The following ADGRL3 variants were observed in gnomAD, a reference collection of about 807,000 sequenced individuals.
ADGRL3 encodes the protein adhesion G protein-coupled receptor L3, also known as calcium-independent alpha-latrotoxin receptor 3.
Under a neutral mutation model 153.5 loss-of-function variants are expected in ADGRL3, and 62 were observed. The observed-to-expected ratio is 0.40, with a 90% CI of 0.33 to 0.50. ADGRL3 has a LOEUF of 0.50. Ranked by LOEUF, ADGRL3 falls within the 20% of genes least tolerant of loss-of-function variation. ADGRL3 has a pLI of 0.47. For missense variants in ADGRL3, 1,641 were observed against 1,859.4 expected (o/e 0.88, Z 2.16); for synonymous variants, 710 against 672.5 (o/e 1.06, Z -0.86).
chr4:61,897,321 C>A (rs920870335), intron 11 of ADGRL3, among the ~76,000 whole-genome samples: 1 of 152,110 alleles, frequency 6.6e-6, no homozygotes. Flanking sequence ...ATTGATTACT[C>A]AAAAATTTAT....
At chr4:61,610,986 A>C (rs573272130) in intron 5 of ADGRL3, among the ~76,000 whole-genome samples, 1 of 152,142 alleles carries the variant, frequency 6.6e-6, no homozygotes, top group Non-Finnish European at 1.5e-5. Flanking sequence ...CCCACACGAG[A>C]CCATTATGTC....
intron 4 of ADGRL3, among the ~76,000 whole-genome samples, chr4:61,577,247 A>T (rs1177812089): frequency 6.6e-6 from 1 of 150,950 alleles, no homozygotes; most frequent in Non-Finnish European, 1.5e-5. Context: ...AGGGAAGGGA[A>T]GAATGTGAAT....
chr4:61,302,755 G>A (rs1194597076), intron 1 of ADGRL3, among the ~76,000 whole-genome samples: 1 of 152,094 alleles, frequency 6.6e-6, no homozygotes, highest in Non-Finnish European at 1.5e-5. Flanking sequence ...CCGAGTTAGA[G>A]TAATTAATGC....
At chr4:61,761,800 A>G (rs573580394) in intron 8 of ADGRL3, among the ~76,000 whole-genome samples, 3 of 152,322 alleles carry the variant, frequency 2.0e-5, no homozygotes, top group African/African-American at 7.2e-5. Flanking sequence ...GTGGTGGCAC[A>G]TACCTATAGT....
intron 1 of ADGRL3, among the ~76,000 whole-genome samples, chr4:61,373,205 A>T (rs572929768): frequency 6.6e-6 from 1 of 152,112 alleles, no homozygotes; most frequent in Non-Finnish European, 1.5e-5. Flanking sequence ...TCAGGCTGGG[A>T]GCTGTAGACC....
At chr4:61,237,769 C>T (rs1301727978) in intron 1 of ADGRL3, among the ~76,000 whole-genome samples, 3 of 152,120 alleles carry the variant, frequency 2.0e-5, no homozygotes, top group Non-Finnish European at 2.9e-5. Context: ...GGTAGGTAAT[C>T]ACATCTCTAG....
At chr4:61,738,831 C>T (rs7663116) in intron 8 of ADGRL3, among the ~76,000 whole-genome samples, 73,466 of 151,926 alleles carry the variant, frequency 0.48, 18,433 homozygotes, top group East Asian at 0.71. Flanking sequence ...AAATTAATTT[C>T]AATTGACTTT....
At chr4:61,796,715 C>T (rs968609539) in intron 8 of ADGRL3, among the ~76,000 whole-genome samples, 2 of 151,876 alleles carry the variant, frequency 1.3e-5, no homozygotes, top group East Asian at 1.9e-4. Context: ...TTGGTATTTG[C>T]TGTCGTTATA....
intron 1 of ADGRL3, among the ~76,000 whole-genome samples, chr4:61,262,919 C>T (rs889149366): frequency 3.3e-5 from 5 of 152,008 alleles, no homozygotes; most frequent in Non-Finnish European, 4.4e-5. Context: ...TGTTTCTGGA[C>T]CAGCCACCAG....
intron 1 of ADGRL3, among the ~76,000 whole-genome samples, chr4:61,367,305 T>C (rs2096417539): frequency 6.6e-6 from 1 of 152,012 alleles, no homozygotes; most frequent in African/African-American, 2.4e-5. Context: ...GTTATATAAG[T>C]ATACATGTGC....
chr4:61,564,801 TG>T (rs1313821822), intron 4 of ADGRL3, among the ~76,000 whole-genome samples: 1 of 152,156 alleles, frequency 6.6e-6, no homozygotes, highest in African/African-American at 2.4e-5. Context: ...GATTATTAAT[TG>T]GCCTAATTTC....
chr4:61,242,378 T>G (rs904701166), intron 1 of ADGRL3, among the ~76,000 whole-genome samples: 4 of 152,078 alleles, frequency 2.6e-5, no homozygotes, highest in Non-Finnish European at 5.9e-5. Flanking sequence ...AGTTGTACTT[T>G]GATGTTTTTC....
intron 8 of ADGRL3, among the ~76,000 whole-genome samples, chr4:61,746,214 T>C (rs1249160669): frequency 6.6e-6 from 1 of 152,152 alleles, no homozygotes. Flanking sequence ...AAGCAAGTCC[T>C]GAGTGACCTA....
At chr4:61,550,982 C>A (rs181317637) in intron 4 of ADGRL3, among the ~76,000 whole-genome samples, 64 of 152,200 alleles carry the variant, frequency 4.2e-4, no homozygotes, top group Admixed American at 1.8e-3. Flanking sequence ...TTACTGTTCT[C>A]TGTCAGCTTG....
Position 61,616,330 on chromosome 4 carries a change from T to A in ADGRL3, c.473+28890T>A, listed in dbSNP as rs145234071. Among the ~76,000 whole-genome samples, 8 of 152,278 alleles carry A rather than the reference T, an allele frequency of 5.3e-5. 1 individual carries two copies. The East Asian group carries it at 1.5e-3, about 29-fold the overall frequency. On this transcript the variant is annotated intron_variant, in intron 5 of 26. Transcript: ENST00000683033. The stretch of plus-strand genomic sequence containing the variant: ...CTATAATTGACATGTGAATATATAA[T>A]TTAAAGCCATTAATATTTTTATTTT...
At chr4:62,015,845 T>C (rs2099208738) in intron 21 of ADGRL3, among the ~76,000 whole-genome samples, 1 of 152,012 alleles carries the variant, frequency 6.6e-6, no homozygotes, top group African/African-American at 2.4e-5. Flanking sequence ...TACAAATATC[T>C]TCTTCAAGTC....
In ADGRL3 at chr4:61,709,865, A is replaced by G. The variant is rs543109366; in HGVS notation, c.584-20757A>G. On this transcript the variant is annotated intron_variant, in intron 6 of 26. Transcript: ENST00000683033. ...ACTTTGGCATGGAGGATTACACAGC[A>G]TGATAGAATAAAATTTAAGTAGAAA... 1.2e-4 allele frequency among the ~76,000 whole-genome samples: 18 copies of G among 152,336 alleles called. No individual in the cohort carries two copies. The South Asian group carries it at 3.1e-3, about 26-fold the overall frequency.
intron 1 of ADGRL3, among the ~76,000 whole-genome samples, chr4:61,230,081 GGGTC>G (rs1749922633): frequency 6.6e-6 from 1 of 152,052 alleles, no homozygotes; most frequent in South Asian, 2.1e-4. Flanking sequence ...TAATGTTATA[GGGTC>G]ACCCTAGCTA....
chr4:61,674,144 T>C (rs1482371540), intron 5 of ADGRL3, among the ~76,000 whole-genome samples: 8 of 116,740 alleles, frequency 6.9e-5, no homozygotes, highest in African/African-American at 2.8e-4. Context: ...GTCGATGCAT[T>C]TTTAGATAGA....
Sources: allele counts gnomAD v4.1 joint callset (sites outside exome capture counted in the v4.1 genomes callset), GRCh38; gene constraint gnomAD v4.1.1; transcripts MANE v1.5; gene names NCBI Gene and HGNC (gene_info 2026-07-23, HGNC 2026-07-21).